The following CAND2 variants were observed in gnomAD, a reference collection of about 807,000 sequenced individuals.
The protein encoded by CAND2 is cullin-associated NEDD8-dissociated protein 2.
CAND2 carries 62 observed loss-of-function variants against 98.9 expected under a neutral mutation model. That is an observed-to-expected ratio of 0.63 (90% CI 0.51 to 0.77). The LOEUF is 0.77. CAND2 is among the 30% of genes least tolerant of loss of function. CAND2 has a pLI of 0.00. For synonymous variants in CAND2, 770 were observed against 731.9 expected, an observed-to-expected ratio of 1.05 and a Z score of -0.84; for missense variants, 1,501 against 1,655.2, an observed-to-expected ratio of 0.91 and a Z score of 1.62.
At chr3:12,805,615 C>T (rs2061800957) in intron 2 of CAND2, among the ~76,000 whole-genome samples, 1 of 152,118 alleles carries the variant, frequency 6.6e-6, no homozygotes, top group Non-Finnish European at 1.5e-5. Flanking sequence ...GTGACCATCT[C>T]CCAATAAAGT....
Position 12,815,880 on chromosome 3 carries a change from T to C in CAND2, c.1313T>C (p.Val438Ala). 1.2e-6 allele frequency: 2 copies of C among 1,613,616 alleles called. No individual in the cohort carries two copies. The highest frequency in any genetic ancestry group is 1.3e-5 in the African/African-American group (1 of 75,018). Residue 438 changes from valine to alanine, a missense_variant, in exon 9 of 15, where the codon GTC becomes GCC. Around this residue, in one of 3 missense-constraint regions of CAND2, gnomAD observed 1,427 missense variants for 1,545.3 expected, o/e 0.92. Coordinates refer to ENST00000456430, the MANE Select transcript of CAND2 (RefSeq NM_001162499.2). The surrounding 1 kb of genome is among the most constrained non-coding windows in gnomAD (Gnocchi z 5.7). ...TCCTGCCCACAGGTGCCCCTTGTGG[T>C]CAAGGCCCTGCAGCGGCAGCTTAAA... ...HMLRGQVPLVVKALQRQLKDR... is the reference protein window; with the variant it reads ...HMLRGQVPLVAKALQRQLKDR...
chr3:12,815,834 T>G lies in CAND2; in HGVS notation c.1300-33T>G. The stretch of plus-strand genomic sequence containing the variant: ...GCAGGTGGGTAGGTTTCTTGGGTGT[T>G]CCCTGACCTTGACTTCCCCCTCCTG... On this transcript the variant is annotated intron_variant, in intron 8 of 14. Transcript: ENST00000456430. The surrounding 1 kb of genome is among the most constrained non-coding windows in gnomAD (Gnocchi z 5.7). 1 of 1,604,078 alleles carries G rather than the reference T, an allele frequency of 6.2e-7. No homozygotes were observed.
At chr3:12,814,726 T>C (rs1192348676) in intron 7 of CAND2, among the ~76,000 whole-genome samples, 2 of 152,110 alleles carry the variant, frequency 1.3e-5, no homozygotes, top group African/African-American at 4.8e-5. Flanking sequence ...TCTCCAAGTC[T>C]ACATGAAGAC....
intron 12 of CAND2, among the ~76,000 whole-genome samples, 175 bp from the exon 13 acceptor site, chr3:12,827,265 A>G (rs969775357): frequency 2.0e-5 from 3 of 152,192 alleles, no homozygotes; most frequent in Non-Finnish European, 4.4e-5. Flanking sequence ...TGCCACTGTT[A>G]TCACTTGGGG....
intron 1 of CAND2, among the ~76,000 whole-genome samples, chr3:12,802,638 G>GGTGTCACACATAT (rs1229966382): frequency 1.3e-5 from 2 of 152,218 alleles, no homozygotes; most frequent in Non-Finnish European, 2.9e-5. Flanking sequence ...TGTGGCAGTT[G>GGTGTCACACATAT]GTGTCACACA....
At chr3:12,817,930 A>C in intron 10 of CAND2, 54 bp downstream of exon 10, 3 of 1,448,604 alleles carry the variant, frequency 2.1e-6, no homozygotes, top group Non-Finnish European at 2.7e-6. Flanking sequence ...GCAGTTTGCC[A>C]CTGAGCATCC....
intron 13 of CAND2, among the ~76,000 whole-genome samples, chr3:12,829,656 A>T (rs556734399): frequency 6.6e-6 from 1 of 152,230 alleles, no homozygotes; most frequent in Non-Finnish European, 1.5e-5. Flanking sequence ...GATGATGCAC[A>T]TAGACCCTCA....
intron 5 of CAND2, 93 bp downstream of exon 5, chr3:12,810,417 G>C (rs2061843026): frequency 1.6e-6 from 2 of 1,252,440 alleles, no homozygotes; most frequent in African/African-American, 3.2e-5. Flanking sequence ...TTGGGCCGCA[G>C]TGCAGCCAGG....
intron 1 of CAND2, 71 bp from the exon 2 acceptor site, chr3:12,803,417 C>T (rs2061781267): frequency 6.9e-7 from 1 of 1,445,044 alleles, no homozygotes; most frequent in South Asian, 1.4e-5. Context: ...TCTAGGGGAA[C>T]CCTGAGGTAC....
rs1158232887 is a variant in CAND2, at chr3:12,827,621, T to A, written c.3375+17T>A. 3 of 1,594,096 alleles carry A rather than the reference T, an allele frequency of 1.9e-6. No homozygotes were observed. In the South Asian group the frequency reaches 3.4e-5, roughly 18 times the overall value. Reference sequence around the variant, plus strand: ...GACATCCGGGTAAGACCAAGCCCCCTGCCAGATCTATGTGCCCCTGTACCA... The same window carrying A: ...GACATCCGGGTAAGACCAAGCCCCCAGCCAGATCTATGTGCCCCTGTACCA... On this transcript the variant is annotated intron_variant, in intron 13 of 14. Transcript: ENST00000456430.
chr3:12,818,760 G>T (rs1006989978), intron 10 of CAND2, among the ~76,000 whole-genome samples: 1 of 152,218 alleles, frequency 6.6e-6, no homozygotes, highest in Non-Finnish European at 1.5e-5. Context: ...GTTGTTACTA[G>T]GTAGGTTAGT....
rs775455079 is a variant in CAND2 at position 12,825,616 on chromosome 3, A to G, written c.3187A>G (p.Ile1063Val). ...ILPLLYQETK[I>V]RRDLIREVEM... ...GCCCCTCCTCTACCAGGAGACAAAG[A>G]TCCGGCGGGACCTCATCCGAGAGGT... is the stretch of plus-strand genomic sequence containing the variant. Residue 1063 changes from isoleucine to valine, a missense_variant, in exon 12 of 15, where the codon ATC becomes GTC. Transcript: ENST00000456430. 4.7e-5 allele frequency: 76 copies of G among 1,605,206 alleles called. No homozygotes were observed. Among genetic ancestry groups the G allele is most frequent in the Non-Finnish European group, 6.3e-5 (74 of 1,176,174 alleles).
At chr3:12,812,221 C>CTTTTTTTTGTTT in intron 5 of CAND2, among the ~76,000 whole-genome samples, 1 of 74,516 alleles carries the variant, frequency 1.3e-5, no homozygotes, top group Admixed American at 1.5e-4. Context: ...AGCTGTTTAT[C>CTTTTTTTTGTTT]TTTTTTTTTT....
rs146596952 is a variant in CAND2 at position 12,806,750 on chromosome 3, G to A, written c.213-556G>A. Reference sequence around the variant, plus strand: ...GGGACCTTGTGGCGCTACAGATCCTGGCTCAGTAGATCTAGGGTAGGGTAA... The same window carrying A: ...GGGACCTTGTGGCGCTACAGATCCTAGCTCAGTAGATCTAGGGTAGGGTAA... On this transcript the variant is annotated intron_variant, in intron 2 of 14. Transcript: ENST00000456430. Among the ~76,000 whole-genome samples the A allele has an allele frequency of 1.8e-3, 272 of 152,304 alleles. 3 individuals are homozygous for A. Among genetic ancestry groups the A allele is most frequent in the African/African-American group, 6.0e-3 (249 of 41,574 alleles).
In CAND2 at chr3:12,806,564, C is replaced by CA. The variant is rs555984567; in HGVS notation, c.213-740dup. Among the ~76,000 whole-genome samples the CA allele has an allele frequency of 2.3e-4, 35 of 152,340 alleles. No homozygotes were observed. The East Asian group carries it at 6.6e-3, about 29-fold the overall frequency. ...CTGGGGAATTTTAAAAGCCCTCCCC[C>CA]AACCCCCTCCAGGCCACATCTGAAA... On this transcript the variant is annotated intron_variant, in intron 2 of 14. Transcript: ENST00000456430.
chr3:12,812,221 C>CTTTTTTTTTTTCTTTTTTTTT (rs2061857292), intron 5 of CAND2, among the ~76,000 whole-genome samples: 1 of 74,514 alleles, frequency 1.3e-5, no homozygotes, highest in African/African-American at 5.8e-5. Flanking sequence ...AGCTGTTTAT[C>CTTTTTTTTTTTCTTTTTTTTT]TTTTTTTTTT....
intron 10 of CAND2, among the ~76,000 whole-genome samples, chr3:12,818,879 A>G (rs780011899): frequency 4.6e-5 from 7 of 152,152 alleles, no homozygotes; most frequent in Non-Finnish European, 1.0e-4. Context: ...ACATCACACA[A>G]CCTTGAGAGA....
rs2061811916 is a variant in CAND2 at position 12,807,035 on chromosome 3, C to T, written c.213-271C>T. On this transcript the variant is annotated intron_variant, in intron 2 of 14. Coordinates refer to ENST00000456430, the MANE Select transcript of CAND2 (RefSeq NM_001162499.2). ...ACAAGCCCGCCAGGGGATTCAGATG[C>T]ACCCTCAAGTTTGAGAACCCTTGTT... 8.7e-6 allele frequency: 3 copies of T among 346,224 alleles called. No homozygotes were observed. In the Admixed American group the frequency reaches 1.3e-4, roughly 15 times the overall value. The allele number at this position is 346,224 out of a possible 1,614,324, so 21.4% of individuals were successfully genotyped here. A position where few individuals can be genotyped will look rare whatever the true frequency, so the allele number is the denominator to read the frequency against.
chr3:12,819,163 C>A (rs974102207), intron 10 of CAND2, among the ~76,000 whole-genome samples: 7 of 152,258 alleles, frequency 4.6e-5, no homozygotes, highest in African/African-American at 1.7e-4. Flanking sequence ...ATCTTACTCT[C>A]TTGTGCCTGT....
Sources: gnomAD v4.1 joint callset for allele counts (sites outside exome capture counted in the v4.1 genomes callset) on GRCh38, gnomAD v4.1.1 for gene constraint, gnomAD v4.1.1 regional missense constraint, Gnocchi (gnomAD v3.1) non-coding constraint, MANE v1.5 for transcripts, NCBI Gene and HGNC (gene_info 2026-07-23, HGNC 2026-07-21) for gene names.